The following NRG2 variants were observed in gnomAD, a reference collection of about 807,000 sequenced individuals.
The protein encoded by NRG2 is neuregulin 2, also known as pro-neuregulin-2, membrane-bound isoform.
NRG2 carries 27 observed loss-of-function variants against 73.9 expected under a neutral mutation model. The observed-to-expected ratio is 0.37, with a 90% confidence interval of 0.27 to 0.50. The LOEUF (loss-of-function observed/expected upper bound fraction) is 0.50. Among genes scored for constraint, NRG2 ranks in the 20% least tolerant of loss-of-function variants. NRG2 has a pLI of 0.96. For synonymous variants in NRG2, 532 were observed against 541.0 expected (o/e 0.98, Z 0.23); for missense variants, 1,126 against 1,210.1 (o/e 0.93, Z 1.03).
chr5:139,888,392 G>T (rs867470207), intron 1 of NRG2, among the ~76,000 whole-genome samples: 13 of 152,198 alleles, frequency 8.5e-5, no homozygotes, highest in Non-Finnish European at 1.8e-4. Context: ...CAAAGCTCAG[G>T]TATCAAGATT....
At chr5:139,942,536 A>C (rs1371540431) in intron 1 of NRG2, among the ~76,000 whole-genome samples, 1 of 152,216 alleles carries the variant, frequency 6.6e-6, no homozygotes, top group Non-Finnish European at 1.5e-5. Flanking sequence ...TTCTTCAGTG[A>C]CTTCAAACTT....
At chr5:140,014,086 A>G (rs538796434) in intron 1 of NRG2, among the ~76,000 whole-genome samples, 1 of 151,962 alleles carries the variant, frequency 6.6e-6, no homozygotes, top group Non-Finnish European at 1.5e-5. Context: ...CCATATTTAT[A>G]CCTCCAGCCC....
chr5:140,025,410 C>T lies in NRG2; in HGVS notation c.700+16960G>A, dbSNP rs535099357. Among the ~76,000 whole-genome samples the T allele has an allele frequency of 2.0e-5, 3 of 152,262 alleles. No individual in the cohort carries two copies. In the East Asian group the frequency reaches 5.8e-4, roughly 29 times the overall value. On this transcript the variant is annotated intron_variant, in intron 1 of 9. Coordinates refer to ENST00000361474, the MANE Select transcript of NRG2 (RefSeq NM_004883.3). Reference sequence around the variant, plus strand: ...GGCACATGTAGGTACACTGCAGAGTCACACAGAAGAAACTGTTTCTTCACT... The same window carrying T: ...GGCACATGTAGGTACACTGCAGAGTTACACAGAAGAAACTGTTTCTTCACT...
At chr5:139,939,313 T>C (rs1753211390) in intron 1 of NRG2, among the ~76,000 whole-genome samples, 1 of 151,692 alleles carries the variant, frequency 6.6e-6, no homozygotes, top group African/African-American at 2.4e-5. Flanking sequence ...TCTTGCTCTG[T>C]TGCCCAGGCT....
intron 1 of NRG2, among the ~76,000 whole-genome samples, chr5:140,007,629 A>G (rs1320000025): frequency 1.3e-5 from 2 of 152,096 alleles, no homozygotes; most frequent in African/African-American, 2.4e-5. Flanking sequence ...ACAATTTTAG[A>G]CTTCACTTCC....
At position 139,852,646 on chromosome 5, in the gene NRG2, A is replaced by T; in HGVS notation, c.1417-87T>A. On this transcript the variant is annotated intron_variant, in intron 7 of 9. Transcript: ENST00000361474. This position sits in a 1 kb window ranked among gnomAD's most constrained non-coding sequence, Gnocchi z 4.4. ...GGGGACAGGGAAGTGATGAGCACTG[A>T]CTGAGCTCCTGGTTGGGGAGACCCA... The T allele has an allele frequency of 3.2e-6, 5 of 1,547,972 alleles. No individual in the cohort carries two copies. Among genetic ancestry groups the T allele is most frequent in the Non-Finnish European group, 4.4e-6 (5 of 1,141,186 alleles).
intron 2 of NRG2, among the ~76,000 whole-genome samples, chr5:139,884,472 G>A (rs1763737126): frequency 6.6e-6 from 1 of 152,204 alleles, no homozygotes; most frequent in Non-Finnish European, 1.5e-5. Flanking sequence ...AGTCGGAAGA[G>A]CCCCAAGGCT....
chr5:139,884,135 G>A (rs576743158), intron 2 of NRG2, among the ~76,000 whole-genome samples: 5 of 152,128 alleles, frequency 3.3e-5, no homozygotes, highest in African/African-American at 1.2e-4. Flanking sequence ...AGCGGAGAAG[G>A]GGGTATCTGG....
In NRG2 at chr5:139,913,430, C is replaced by G. The variant is rs574858783; in HGVS notation, c.701-25919G>C. On this transcript the variant is annotated intron_variant, in intron 1 of 9. Coordinates refer to ENST00000361474, the MANE Select transcript of NRG2 (RefSeq NM_004883.3). ...ATTGTTTTGGGTTTCCGACTGATGTCCAGTGGAGTACTTCCTTTACATGAT... is the reference window on the plus strand; with the variant it reads ...ATTGTTTTGGGTTTCCGACTGATGTGCAGTGGAGTACTTCCTTTACATGAT... Among the ~76,000 whole-genome samples, 3 of 152,314 alleles carry G rather than the reference C, an allele frequency of 2.0e-5. No individual in the cohort carries two copies. In the South Asian group the frequency reaches 6.2e-4, roughly 32 times the overall value.
intron 5 of NRG2, among the ~76,000 whole-genome samples, chr5:139,861,539 A>C (rs1248797479): frequency 6.6e-6 from 1 of 152,172 alleles, no homozygotes; most frequent in African/African-American, 2.4e-5. Flanking sequence ...CACACCAATG[A>C]AGCATTCATT....
intron 1 of NRG2, among the ~76,000 whole-genome samples, chr5:139,955,428 G>C (rs990072329): frequency 6.6e-6 from 1 of 152,176 alleles, no homozygotes; most frequent in African/African-American, 2.4e-5. Context: ...AGAATGGACT[G>C]TGGGGAGGAA....
intron 1 of NRG2, among the ~76,000 whole-genome samples, chr5:139,942,651 T>C (rs1353071044): frequency 6.6e-6 from 1 of 152,252 alleles, no homozygotes; most frequent in East Asian, 1.9e-4. Context: ...GCCTTGTCTT[T>C]AACTTTACTA....
Position 139,848,131 on chromosome 5 carries a change from T to C in NRG2, c.2339A>G (p.Asp780Gly), listed in dbSNP as rs1761115352. ...CAGCGCCCCGTCCGCGTCGTCCGCG[T>C]CGTCGTCCGACGCCGAGGCTGAGCC... ...GGGSASASDD[D>G]ADDADGALAA... Residue 780 changes from aspartate (D) to glycine (G), a missense_variant, in exon 10 of 10, where the codon GAC becomes GGC. By Grantham distance (94) the Asp-to-Gly change is moderately conservative. Coordinates refer to ENST00000361474, the MANE Select transcript of NRG2 (RefSeq NM_004883.3). 1 of 1,469,832 alleles carries C rather than the reference T, an allele frequency of 6.8e-7. No individual in the cohort carries two copies. The highest frequency in any genetic ancestry group is 8.9e-7 in the Non-Finnish European group (1 of 1,118,100). The allele number at this position is 1,469,832 out of a possible 1,614,324, so 91.0% of individuals were successfully genotyped here.
At chr5:140,020,658 G>A in intron 1 of NRG2, among the ~76,000 whole-genome samples, 1 of 152,200 alleles carries the variant, frequency 6.6e-6, no homozygotes. Context: ...GACAGACTGA[G>A]TCTTACACTT....
chr5:139,919,102 G>A lies in NRG2; in HGVS notation c.701-31591C>T, dbSNP rs576241678. ...AATGATTACCCTCCCAAAGGTAGAGGAGCCAGGCCAGGTTTCTGCAATCTC... is the reference window on the plus strand; with the variant it reads ...AATGATTACCCTCCCAAAGGTAGAGAAGCCAGGCCAGGTTTCTGCAATCTC... On this transcript the variant is annotated intron_variant, in intron 1 of 9. Transcript: ENST00000361474. Among the ~76,000 whole-genome samples, 4 of 152,268 alleles carry A rather than the reference G, an allele frequency of 2.6e-5. No homozygotes were observed. In the South Asian group the frequency reaches 6.2e-4, roughly 24 times the overall value.
chr5:139,850,990 T>G (rs1200913600), intron 9 of NRG2, among the ~76,000 whole-genome samples: 1 of 151,984 alleles, frequency 6.6e-6, no homozygotes, highest in Non-Finnish European at 1.5e-5. Context: ...TTGTTCTTTT[T>G]TTTTTTTTCT....
intron 1 of NRG2, among the ~76,000 whole-genome samples, chr5:140,022,077 T>C (rs1760276415): frequency 6.6e-6 from 1 of 152,208 alleles, no homozygotes; most frequent in African/African-American, 2.4e-5. Flanking sequence ...ACTCATACTT[T>C]ATGCTGCAGC....
chr5:140,009,367 A>T (rs1759173468), intron 1 of NRG2, among the ~76,000 whole-genome samples: 1 of 152,136 alleles, frequency 6.6e-6, no homozygotes, highest in Non-Finnish European at 1.5e-5. Context: ...GGGCCTTTAT[A>T]CTCTATGTTA....
chr5:139,925,853 C>T (rs549081104), intron 1 of NRG2, among the ~76,000 whole-genome samples: 1 of 152,334 alleles, frequency 6.6e-6, no homozygotes, highest in South Asian at 2.1e-4. Context: ...GCCTGGCCAG[C>T]ACAGACCTCC....
Sources: allele counts gnomAD v4.1 joint callset (sites outside exome capture counted in the v4.1 genomes callset), GRCh38; gene constraint gnomAD v4.1.1; non-coding constraint Gnocchi (gnomAD v3.1); transcripts MANE v1.5; gene names NCBI Gene and HGNC (gene_info 2026-07-23, HGNC 2026-07-21).